Variants in PTPRN2 observed in about 807,000 individuals in gnomAD.
PTPRN2 encodes receptor-type tyrosine-protein phosphatase N2.
PTPRN2 carries 74 observed loss-of-function variants against 118.8 expected under a neutral mutation model. That is an observed-to-expected ratio of 0.62 (90% confidence interval 0.52 to 0.76). PTPRN2 has a LOEUF of 0.76. Among genes scored for constraint, PTPRN2 ranks in the 30% least tolerant of loss-of-function variants. The pLI is 0.00. For missense variants in PTPRN2, 1,481 were observed against 1,394.4 expected, an observed-to-expected ratio of 1.06 and a Z score of -0.99; for synonymous variants, 641 against 608.0, an observed-to-expected ratio of 1.05 and a Z score of -0.80.
At chr7:158,366,811 C>A (rs1233630589) in intron 2 of PTPRN2, among the ~76,000 whole-genome samples, 1 of 152,204 alleles carries the variant, frequency 6.6e-6, no homozygotes, top group Non-Finnish European at 1.5e-5. Flanking sequence ...AGTCGTTTAG[C>A]TGGTTTCTGT....
intron 12 of PTPRN2, among the ~76,000 whole-genome samples, chr7:157,840,959 C>T (rs1297139712): frequency 6.6e-6 from 1 of 152,224 alleles, no homozygotes; most frequent in Non-Finnish European, 1.5e-5. Context: ...CCTGCCTGCC[C>T]CCTCCTCCTC....
At chr7:157,976,274 G>A (rs546289739) in intron 11 of PTPRN2, among the ~76,000 whole-genome samples, 1 of 152,332 alleles carries the variant, frequency 6.6e-6, no homozygotes, top group African/African-American at 2.4e-5. Context: ...AGGCGCTGAT[G>A]AGTTGCTCAG....
At chr7:158,377,541 G>A (rs1173094813) in intron 2 of PTPRN2, among the ~76,000 whole-genome samples, 3 of 152,192 alleles carry the variant, frequency 2.0e-5, no homozygotes, top group Non-Finnish European at 2.9e-5. Context: ...AATGCAGAGT[G>A]CTAGGGAGGA....
rs1319994663 is a variant in PTPRN2, at chr7:157,749,507, C to T, written c.1789-66570G>A. The stretch of plus-strand genomic sequence containing the variant: ...TCTGGGTGATTCTGAGGCCTGCGTC[C>T]CTGAGCTGCGGGCTGTTGAGGTGAT... On this transcript the variant is annotated intron_variant, in intron 12 of 22. Transcript: ENST00000389418. Among the ~76,000 whole-genome samples the T allele has an allele frequency of 5.8e-3, 743 of 128,962 alleles. 8 individuals are homozygous for T. The highest frequency in any genetic ancestry group is 0.015 in the Admixed American group (160 of 10,944). The allele number at this position is 128,962 out of a possible 152,430, so 84.6% of individuals were successfully genotyped here. A position where few individuals can be genotyped will look rare whatever the true frequency, so the allele number is the denominator to read the frequency against.
intron 10 of PTPRN2, among the ~76,000 whole-genome samples, chr7:158,083,493 C>T (rs1466979562): frequency 1.3e-5 from 2 of 152,138 alleles, no homozygotes; most frequent in Admixed American, 6.5e-5. Context: ...TTTTCCCTCA[C>T]GTGCTGAAAG....
intron 11 of PTPRN2, among the ~76,000 whole-genome samples, chr7:158,014,527 C>A (rs1186059420): frequency 6.6e-6 from 1 of 151,982 alleles, no homozygotes; most frequent in Non-Finnish European, 1.5e-5. Context: ...TTCCAACTAC[C>A]CATCTATCCA....
At chr7:158,293,451 A>G (rs1288209549) in intron 3 of PTPRN2, among the ~76,000 whole-genome samples, 1 of 151,180 alleles carries the variant, frequency 6.6e-6, no homozygotes, top group East Asian at 2.0e-4. Flanking sequence ...TAGTGTGCAC[A>G]TGTAATCCCA....
At chr7:158,493,342 C>T (rs1821597916) in intron 1 of PTPRN2, among the ~76,000 whole-genome samples, 1 of 151,636 alleles carries the variant, frequency 6.6e-6, no homozygotes. Context: ...TGCCTGCACA[C>T]ATACACACAC....
At chr7:158,522,742 G>C (rs1047150491) in intron 1 of PTPRN2, among the ~76,000 whole-genome samples, 2 of 152,224 alleles carry the variant, frequency 1.3e-5, no homozygotes, top group African/African-American at 4.8e-5. Context: ...GGTTGGCACA[G>C]TCTGCAGGGC....
intron 9 of PTPRN2, among the ~76,000 whole-genome samples, chr7:158,130,422 TCACA>T (rs1236406736): frequency 9.6e-6 from 1 of 104,152 alleles, no homozygotes; most frequent in Non-Finnish European, 2.0e-5. Flanking sequence ...TCATACACAC[TCACA>T]CACACACGTA....
chr7:158,529,043 ACAGC>A lies in PTPRN2; in HGVS notation c.113-39262_113-39259del, dbSNP rs57137321. ...GCCCACCAAGGGGCTTTGGGATCACACAGCCAGGGGCAAATCTCAGCTCTGCAGC... is the reference window on the plus strand; with the variant it reads ...GCCCACCAAGGGGCTTTGGGATCACACAGGGGCAAATCTCAGCTCTGCAGC... On this transcript the variant is annotated intron_variant, in intron 1 of 22. Coordinates refer to ENST00000389418, the MANE Select transcript of PTPRN2 (RefSeq NM_002847.5). The surrounding 1 kb of genome is among the most constrained non-coding windows in gnomAD (Gnocchi z 4.7). Among the ~76,000 whole-genome samples the A allele has an allele frequency of 0.033, 4,984 of 152,250 alleles. 278 individuals are homozygous for A. The highest frequency in any genetic ancestry group is 0.11 in the African/African-American group (4,701 of 41,512).
Position 157,656,098 on chromosome 7 carries a change from A to G in PTPRN2, c.2196+259T>C, listed in dbSNP as rs1312369381. 5.1e-5 allele frequency among the ~76,000 whole-genome samples: 2 copies of G among 38,858 alleles called. 1 individual carries two copies. The highest frequency in any genetic ancestry group is 1.2e-4 in the African/African-American group (2 of 16,920). The allele number at this position is 38,858 out of a possible 152,430, so 25.5% of individuals were successfully genotyped here. A position where few individuals can be genotyped will look rare whatever the true frequency, so the allele number is the denominator to read the frequency against. ...CTAAATAGCGGGTGCTCACTCTTACACACCAGGGACTGTGTGTGGGGGCTG... is the reference window on the plus strand; with the variant it reads ...CTAAATAGCGGGTGCTCACTCTTACGCACCAGGGACTGTGTGTGGGGGCTG... On this transcript the variant is annotated intron_variant, in intron 14 of 22. Transcript: ENST00000389418.
Position 157,629,961 on chromosome 7 carries a change from T to C in PTPRN2, c.2197-8452A>G, listed in dbSNP as rs1803836989. On this transcript the variant is annotated intron_variant, in intron 14 of 22. Transcript: ENST00000389418. This position sits in a 1 kb window ranked among gnomAD's most constrained non-coding sequence, Gnocchi z 4.4. ...AGGACTAAGCTGCTTCCACTGCCAC[T>C]TGGGGAAATGATGACCTTTTCTTTC... is the stretch of plus-strand genomic sequence containing the variant. 6.6e-6 allele frequency among the ~76,000 whole-genome samples: 1 copy of C among 152,264 alleles called. No homozygotes were observed. Among genetic ancestry groups the C allele is most frequent in the Non-Finnish European group, 1.5e-5 (1 of 68,040 alleles).
chr7:157,657,271 C>CATATA (rs1202964147), intron 13 of PTPRN2, among the ~76,000 whole-genome samples: 1 of 55,908 alleles, frequency 1.8e-5, no homozygotes, highest in Non-Finnish European at 3.5e-5. Flanking sequence ...CACACATACA[C>CATATA]CACACACACA....
chr7:157,602,098 A>T (rs1801701033), intron 16 of PTPRN2, among the ~76,000 whole-genome samples: 1 of 152,242 alleles, frequency 6.6e-6, no homozygotes, highest in African/African-American at 2.4e-5. Context: ...AGGATCTTTG[A>T]AACCCACACG....
Position 158,335,478 on chromosome 7 carries a change from G to C in PTPRN2, c.164-18546C>G, listed in dbSNP as rs1469473788. On this transcript the variant is annotated intron_variant, in intron 2 of 22. Transcript: ENST00000389418. ...ACTCACACCCACGCTGTCACCATAA[G>C]AGCTGATGCCTGCAGACGTCACTCA... Among the ~76,000 whole-genome samples, 4 of 51,862 alleles carry C rather than the reference G, an allele frequency of 7.7e-5. 2 individuals carry two copies. Among genetic ancestry groups the C allele is most frequent in the African/African-American group, 1.4e-4 (2 of 14,058 alleles). The allele number at this position is 51,862 out of a possible 152,430, so 34.0% of individuals were successfully genotyped here. A position where few individuals can be genotyped will look rare whatever the true frequency, so the allele number is the denominator to read the frequency against.
chr7:158,241,149 G>A (rs1158932085), intron 3 of PTPRN2, among the ~76,000 whole-genome samples: 1 of 152,218 alleles, frequency 6.6e-6, no homozygotes. Context: ...CAGTTACCAG[G>A]TGACTCTTCC....
intron 12 of PTPRN2, among the ~76,000 whole-genome samples, chr7:157,724,836 A>G (rs180982432): frequency 5.3e-4 from 80 of 152,332 alleles, no homozygotes; most frequent in South Asian, 1.4e-3. Flanking sequence ...CCATCTGTGT[A>G]TTGTTGAGTC....
In PTPRN2 at chr7:157,953,097, G is replaced by A. The variant is rs4716512; in HGVS notation, c.1724-54360C>T. Among the ~76,000 whole-genome samples the A allele has an allele frequency of 0.11, 17,296 of 152,172 alleles. 1,539 individuals carry two copies. The highest frequency in any genetic ancestry group is 0.35 in the East Asian group (1,802 of 5,150). ...GAGCCGTCCAGTGCCAGGAACCACC[G>A]GACCCACGGGGTGAGCCCTCTGGCT... is the stretch of plus-strand genomic sequence containing the variant. On this transcript the variant is annotated intron_variant, in intron 11 of 22. Coordinates refer to ENST00000389418, the MANE Select transcript of PTPRN2 (RefSeq NM_002847.5). The surrounding 1 kb of genome is among the most constrained non-coding windows in gnomAD (Gnocchi z 4.6).
Sources: allele counts gnomAD v4.1 joint callset (sites outside exome capture counted in the v4.1 genomes callset), GRCh38; gene constraint gnomAD v4.1.1; non-coding constraint Gnocchi (gnomAD v3.1); transcripts MANE v1.5; gene names NCBI Gene and HGNC (gene_info 2026-07-23, HGNC 2026-07-21).